The following GLRA3 variants were observed in gnomAD, a reference collection of about 807,000 sequenced individuals.
GLRA3 encodes glycine receptor alpha 3.
GLRA3 carries 44 observed loss-of-function variants against 60.4 expected under a neutral mutation model. The ratio of observed to expected loss-of-function variants is 0.73; its 90% CI spans 0.57 to 0.94. The LOEUF (loss-of-function observed/expected upper bound fraction) is 0.94, where lower values mean the gene tolerates loss of function less well. GLRA3 is among the 40% of genes least tolerant of loss of function. The pLI, the probability that GLRA3 is intolerant of heterozygous loss-of-function variation, is 0.00. For missense variants in GLRA3, 508 were observed against 564.6 expected (o/e 0.90, Z 1.02); for synonymous variants, 223 against 192.9 (o/e 1.16, Z -1.29).
chr4:174,693,759 G>A (rs113448412), intron 5 of GLRA3, among the ~76,000 whole-genome samples: 117 of 152,100 alleles, frequency 7.7e-4, no homozygotes, highest in African/African-American at 2.7e-3. Context: ...AAATGTAAAT[G>A]GGATAAATGC....
intron 7 of GLRA3, among the ~76,000 whole-genome samples, chr4:174,661,120 A>G (rs1375808110): frequency 6.6e-6 from 1 of 152,074 alleles, no homozygotes; most frequent in African/African-American, 2.4e-5. Flanking sequence ...CATCTCCCTA[A>G]GTGGTATCGT....
intron 7 of GLRA3, among the ~76,000 whole-genome samples, chr4:174,662,708 A>G (rs1372240541): frequency 2.0e-5 from 3 of 152,190 alleles, no homozygotes; most frequent in Non-Finnish European, 4.4e-5. Flanking sequence ...TATCTTTCCC[A>G]GCAGGTTCTT....
chr4:174,777,627 A>T (rs1738652568), intron 2 of GLRA3, among the ~76,000 whole-genome samples: 2 of 152,240 alleles, frequency 1.3e-5, no homozygotes, highest in African/African-American at 2.4e-5. Flanking sequence ...TACAGTAATG[A>T]CAAACACACG....
At chr4:174,816,494 T>C (rs1040699138) in intron 1 of GLRA3, among the ~76,000 whole-genome samples, 3 of 152,212 alleles carry the variant, frequency 2.0e-5, no homozygotes, top group Admixed American at 2.0e-4. Flanking sequence ...ACGATACTTG[T>C]CCATAGGACT....
intron 5 of GLRA3, among the ~76,000 whole-genome samples, chr4:174,697,001 A>G (rs2111033685): frequency 6.6e-6 from 1 of 152,324 alleles, no homozygotes; most frequent in East Asian, 1.9e-4. Flanking sequence ...GTTTTGAAGA[A>G]TACATTCAAA....
chr4:174,670,952 C>A (rs192426479), intron 7 of GLRA3, among the ~76,000 whole-genome samples: 83 of 151,972 alleles, frequency 5.5e-4, no homozygotes, highest in African/African-American at 1.8e-3. Flanking sequence ...TACATTATAT[C>A]TTGTGATAAG....
rs1248157735 is a variant in GLRA3, at chr4:174,649,548, C to T, written c.1117-5484G>A. ...TAACTCGTCCTTTTTAGGAAGATTA[C>T]AGGAACTCTCAGCTCTGATTAAGGG... is the stretch of plus-strand genomic sequence containing the variant. On this transcript the variant is annotated intron_variant, in intron 9 of 9. Transcript: ENST00000274093. 2.6e-5 allele frequency among the ~76,000 whole-genome samples: 4 copies of T among 152,098 alleles called. No individual in the cohort carries two copies. The East Asian group carries it at 5.8e-4, about 22-fold the overall frequency.
intron 6 of GLRA3, among the ~76,000 whole-genome samples, chr4:174,679,238 G>A (rs1248790985): frequency 6.6e-6 from 1 of 152,106 alleles, no homozygotes; most frequent in Non-Finnish European, 1.5e-5. Context: ...GGCTGAGGCA[G>A]GAGAATGGTG....
At chr4:174,811,949 C>T (rs1041422337) in intron 1 of GLRA3, among the ~76,000 whole-genome samples, 14 of 152,112 alleles carry the variant, frequency 9.2e-5, no homozygotes, top group Admixed American at 5.9e-4. Context: ...TTGAGATTAT[C>T]TTCTAAATCT....
chr4:174,689,935 A>T (rs1052617727), intron 5 of GLRA3, among the ~76,000 whole-genome samples: 5 of 152,038 alleles, frequency 3.3e-5, no homozygotes, highest in African/African-American at 1.2e-4. Context: ...GACAAAACAG[A>T]TTTCAAACCA....
Position 174,682,840 on chromosome 4 carries a change from T to C in GLRA3, c.674A>G (p.Glu225Gly). ...LTLPQFLLKE[E>G]KDLRYCTKHY... ...TTTAGTGCAGTATCGTAAATCTTTT[T>C]CTTCTTTCAACAGAAACTGGGGCAA... Residue 225 changes from glutamate (E) to glycine (G), a missense_variant, in exon 6 of 10, where the codon GAA becomes GGA. Physicochemically the swap from Glu to Gly is moderately conservative, Grantham distance 98 (BLOSUM62 -2). Around this residue, in one of 3 missense-constraint regions of GLRA3, gnomAD observed 329 missense variants for 349.3 expected, o/e 0.94. Transcript: ENST00000274093. 1 of 1,613,362 alleles carries C rather than the reference T, an allele frequency of 6.2e-7. No homozygotes were observed.
chr4:174,737,190 T>C (rs1295664134), intron 3 of GLRA3, among the ~76,000 whole-genome samples: 1 of 152,166 alleles, frequency 6.6e-6, no homozygotes. Flanking sequence ...TTTACCAAAA[T>C]AAATAATGTG....
chr4:174,684,903 G>A (rs188782979), intron 5 of GLRA3, among the ~76,000 whole-genome samples: 2 of 152,242 alleles, frequency 1.3e-5, no homozygotes, highest in Admixed American at 1.3e-4. Flanking sequence ...CAGCTACTTG[G>A]GAGGCTGAGG....
chr4:174,648,691 G>A (rs1352465447), intron 9 of GLRA3, among the ~76,000 whole-genome samples: 1 of 152,102 alleles, frequency 6.6e-6, no homozygotes, highest in Non-Finnish European at 1.5e-5. Context: ...CCCTCATTCT[G>A]GGAAGGCAGG....
chr4:174,734,260 G>A (rs1736680521), intron 3 of GLRA3, among the ~76,000 whole-genome samples: 1 of 152,170 alleles, frequency 6.6e-6, no homozygotes, highest in Admixed American at 6.5e-5. Flanking sequence ...CAGTTCTGAA[G>A]TGCTGTACAA....
At chr4:174,765,416 C>T (rs1174725169) in intron 3 of GLRA3, among the ~76,000 whole-genome samples, 1 of 151,960 alleles carries the variant, frequency 6.6e-6, no homozygotes, top group Non-Finnish European at 1.5e-5. Context: ...CCAGCTATTG[C>T]TGTGGGAAGT....
In GLRA3 at chr4:174,643,014, T is replaced by C; in HGVS notation, c.*772A>G. ...AAAACAAGGGTGCTGGCTTGAATTG[T>C]TCAATGTTTGGCAATAACTAAAAAT... On this transcript the variant is annotated 3_prime_UTR_variant, in exon 10 of 10. Coordinates refer to ENST00000274093, the MANE Select transcript of GLRA3 (RefSeq NM_006529.4). The C allele has an allele frequency of 1.1e-6, 1 of 931,054 alleles. No homozygotes were observed. The highest frequency in any genetic ancestry group is 1.2e-4 in the East Asian group (1 of 8,588). The allele number at this position is 931,054 out of a possible 1,614,324, so 57.7% of individuals were successfully genotyped here.
chr4:174,738,921 T>C, intron 3 of GLRA3, among the ~76,000 whole-genome samples: 1 of 152,198 alleles, frequency 6.6e-6, no homozygotes, highest in African/African-American at 2.4e-5. Flanking sequence ...AGGTCTCTTT[T>C]ATGGTGGCAG....
Position 174,813,416 on chromosome 4 carries a change from G to A in GLRA3, c.71+15325C>T, listed in dbSNP as rs191350918. On this transcript the variant is annotated intron_variant, in intron 1 of 9. Transcript: ENST00000274093. ...CATTCACTTCCTCTTCAGAGCAATA[G>A]AAATGTCTGCTGCAATGAGGCTGGA... Among the ~76,000 whole-genome samples the A allele has an allele frequency of 1.9e-3, 283 of 152,194 alleles. 2 individuals carry two copies. The highest frequency in any genetic ancestry group is 6.4e-3 in the African/African-American group (267 of 41,510).
Sources: allele counts gnomAD v4.1 joint callset (sites outside exome capture counted in the v4.1 genomes callset), GRCh38; gene constraint gnomAD v4.1.1; regional missense constraint gnomAD v4.1.1; transcripts MANE v1.5; gene names NCBI Gene and HGNC (gene_info 2026-07-23, HGNC 2026-07-21).